The following CIB4 variants were observed in gnomAD, a reference collection of about 807,000 sequenced individuals.
The protein encoded by CIB4 is calcium and integrin binding family member 4, also known as calcium and integrin-binding family member 4.
Under a neutral mutation model 25.8 loss-of-function variants are expected in CIB4, and 25 were observed. The observed-to-expected ratio is 0.97, with a 90% CI of 0.71 to 1.35. CIB4 has a LOEUF of 1.35. Ranked by LOEUF, CIB4 falls within the 40% of genes most tolerant of loss-of-function variation. CIB4 has a pLI of 0.00. For synonymous variants in CIB4, 75 were observed against 81.4 expected, an observed-to-expected ratio of 0.92 and a Z score of 0.42; for missense variants, 235 against 228.2, an observed-to-expected ratio of 1.03 and a Z score of -0.19.
At chr2:26,590,093 C>T (rs988256287) in intron 4 of CIB4, among the ~76,000 whole-genome samples, 3 of 151,874 alleles carry the variant, frequency 2.0e-5, no homozygotes, top group Non-Finnish European at 4.4e-5. Context: ...ATGGCCACTG[C>T]TCCACATCAC....
intron 4 of CIB4, among the ~76,000 whole-genome samples, chr2:26,588,343 G>T (rs528925957): frequency 6.6e-6 from 1 of 152,366 alleles, no homozygotes; most frequent in Admixed American, 6.5e-5. Flanking sequence ...TCCTTTGGGG[G>T]TGGCAAGGAC....
intron 4 of CIB4, among the ~76,000 whole-genome samples, chr2:26,590,110 C>T (rs2148192683): frequency 6.6e-6 from 1 of 152,074 alleles, no homozygotes; most frequent in African/African-American, 2.4e-5. Context: ...TCACTGAATG[C>T]AACCCTAGCT....
At chr2:26,633,374 G>A (rs1314449116) in intron 2 of CIB4, among the ~76,000 whole-genome samples, 1 of 152,250 alleles carries the variant, frequency 6.6e-6, no homozygotes, top group Non-Finnish European at 1.5e-5. Context: ...GAGAGTTTAA[G>A]TGTTGTATCT....
intron 4 of CIB4, among the ~76,000 whole-genome samples, chr2:26,586,885 A>G (rs1478102631): frequency 6.6e-6 from 1 of 152,182 alleles, no homozygotes; most frequent in African/African-American, 2.4e-5. Flanking sequence ...AACTTCTGGG[A>G]CCATCTATAA....
At chr2:26,583,950 A>G (rs745992594) in intron 4 of CIB4, 52 bp from the exon 5 acceptor site, 1 of 1,225,834 alleles carries the variant, frequency 8.2e-7, no homozygotes, top group Non-Finnish European at 1.2e-6. Context: ...GCTAAACAGG[A>G]AGAGGACTTG....
At chr2:26,633,854 C>G (rs766742236) in intron 2 of CIB4, among the ~76,000 whole-genome samples, 1 of 152,180 alleles carries the variant, frequency 6.6e-6, no homozygotes, top group Non-Finnish European at 1.5e-5. Context: ...CTGCTGCTGA[C>G]TGTCCGTGGG....
chr2:26,610,960 A>AC (rs1668985772), intron 3 of CIB4, among the ~76,000 whole-genome samples: 4 of 79,750 alleles, frequency 5.0e-5, no homozygotes, highest in Admixed American at 1.5e-4. Context: ...AAAAATACAC[A>AC]TGGGTGTCAT....
intron 4 of CIB4, among the ~76,000 whole-genome samples, chr2:26,593,509 T>A (rs756711779): frequency 1.3e-5 from 2 of 152,112 alleles, no homozygotes; most frequent in African/African-American, 2.4e-5. Context: ...CTCTGCAGAA[T>A]CCTGACTAAT....
At chr2:26,617,702 C>G (rs143571452) in intron 3 of CIB4, among the ~76,000 whole-genome samples, 4 of 152,138 alleles carry the variant, frequency 2.6e-5, no homozygotes, top group Non-Finnish European at 4.4e-5. Flanking sequence ...GGATTATCAC[C>G]GGGTCCAGCT....
intron 3 of CIB4, among the ~76,000 whole-genome samples, chr2:26,618,661 C>T (rs1244110742): frequency 6.6e-6 from 1 of 152,174 alleles, no homozygotes; most frequent in African/African-American, 2.4e-5. Context: ...TGCCTTGGGC[C>T]TGGGGGTCCA....
At chr2:26,597,426 T>TAA (rs374182652) in intron 3 of CIB4, among the ~76,000 whole-genome samples, 3,098 of 138,260 alleles carry the variant, frequency 0.022, 102 homozygotes, top group African/African-American at 0.072. Context: ...CGACAGCTAT[T>TAA]AAAAAAAAAA....
At position 26,583,868 on chromosome 2, in the gene CIB4, TC is replaced by T; in HGVS notation, c.358del (p.Glu120ArgfsTer11). Reference protein sequence around the residue: ...DFNENGFIDEEDLQRIILRLL... With the variant: ...DFNENGFIDEXDLQRIILRLL... ...TCGCAGGATGATCCTCTGCAGATCC[TC>T]CTCATCAATGAAGCCATTCTCATTA... On this transcript the variant is annotated frameshift_variant, in exon 5 of 7. Coordinates refer to ENST00000288861, the MANE Select transcript of CIB4 (RefSeq NM_001029881.3). LOFTEE classifies it high-confidence loss of function. The T allele has an allele frequency of 6.2e-7, 1 of 1,612,940 alleles. No individual in the cohort carries two copies. Among genetic ancestry groups the T allele is most frequent in the Non-Finnish European group, 8.5e-7 (1 of 1,179,126 alleles).
chr2:26,621,252 GA>G lies in CIB4; in HGVS notation c.186+8157del, dbSNP rs10689851. 1.3e-3 allele frequency among the ~76,000 whole-genome samples: 137 copies of G among 101,912 alleles called. 1 individual carries two copies. The Middle Eastern group carries it at 0.031, about 23-fold the overall frequency. 66.9% of individuals were successfully genotyped at this position (101,912 alleles called of 152,430 possible). On this transcript the variant is annotated intron_variant, in intron 3 of 6. Coordinates refer to ENST00000288861, the MANE Select transcript of CIB4 (RefSeq NM_001029881.3). The stretch of plus-strand genomic sequence containing the variant: ...AAGAGAAGAGTCTACAAGTTTCCAG[GA>G]AAAAAAAAAAAAAAAAAACAGGGAA...
rs186356341 is a variant in CIB4, at chr2:26,638,810, G to C, written c.89+1723C>G. Among the ~76,000 whole-genome samples the C allele has an allele frequency of 7.1e-3, 1,086 of 152,170 alleles. 12 individuals carry two copies. The highest frequency in any genetic ancestry group is 0.024 in the African/African-American group (988 of 41,494). On this transcript the variant is annotated intron_variant, in intron 2 of 6. Transcript: ENST00000288861. Reference sequence around the variant, plus strand: ...TCTACAGAAATACAAAAATTTGCCGGGCGTGGTGGCAGGCACCTGTAGTCC... The same window carrying C: ...TCTACAGAAATACAAAAATTTGCCGCGCGTGGTGGCAGGCACCTGTAGTCC...
chr2:26,583,883 C>T lies in CIB4; in HGVS notation c.344G>A (p.Gly115Asp). ...AFRIYDFNEN[G>D]FIDEEDLQRI... is the part of the protein sequence containing the mutation. ...CTGCAGATCCTCCTCATCAATGAAG[C>T]CATTCTCATTAAAATCTGCAAAGAA... Residue 115 changes from glycine to aspartate, a missense_variant, in exon 5 of 7, where the codon GGC becomes GAC. Physicochemically the swap from Gly to Asp is moderately conservative, Grantham distance 94. Coordinates refer to ENST00000288861, the MANE Select transcript of CIB4 (RefSeq NM_001029881.3). The T allele has an allele frequency of 6.2e-7, 1 of 1,611,130 alleles. No individual in the cohort carries two copies.
At chr2:26,583,971 G>C (rs1668402953) in intron 4 of CIB4, 73 bp from the exon 5 acceptor site, 1 of 961,568 alleles carries the variant, frequency 1.0e-6, no homozygotes, top group South Asian at 1.4e-5. Context: ...AGGAGTCCTG[G>C]GGGACACAGC....
intron 3 of CIB4, among the ~76,000 whole-genome samples, chr2:26,628,110 C>T (rs1021118346): frequency 2.9e-4 from 44 of 152,192 alleles, no homozygotes; most frequent in Admixed American, 5.2e-4. Flanking sequence ...AGAAGCCTGA[C>T]GTAGCCATGA....
intron 3 of CIB4, among the ~76,000 whole-genome samples, chr2:26,617,147 T>TGC (rs747808635): frequency 1.3e-5 from 2 of 150,412 alleles, no homozygotes; most frequent in Admixed American, 6.6e-5. Context: ...TGTGTGTGTG[T>TGC]GCACGTGAGC....
At chr2:26,626,980 T>C (rs1370934789) in intron 3 of CIB4, among the ~76,000 whole-genome samples, 1 of 152,164 alleles carries the variant, frequency 6.6e-6, no homozygotes, top group Non-Finnish European at 1.5e-5. Flanking sequence ...TGGGGGGATA[T>C]ACATGCAAGG....
Sources: gnomAD v4.1 joint callset for allele counts (sites outside exome capture counted in the v4.1 genomes callset) on GRCh38, gnomAD v4.1.1 for gene constraint, MANE v1.5 for transcripts, NCBI Gene and HGNC (gene_info 2026-07-23, HGNC 2026-07-21) for gene names.